The following CPA6 variants were observed in gnomAD, a reference collection of about 807,000 sequenced individuals.
The protein encoded by CPA6 is carboxypeptidase A6.
Under a neutral mutation model 63.3 loss-of-function variants are expected in CPA6, and 58 were observed. The observed-to-expected ratio is 0.92, with a 90% confidence interval of 0.74 to 1.14. The LOEUF is 1.14. Among genes scored for constraint, CPA6 ranks in the 50% most tolerant of loss-of-function variants. The pLI is 0.00. For synonymous variants in CPA6, 185 were observed against 179.0 expected, an observed-to-expected ratio of 1.03 and a Z score of -0.27; for missense variants, 565 against 526.6, an observed-to-expected ratio of 1.07 and a Z score of -0.71.
intron 8 of CPA6, among the ~76,000 whole-genome samples, chr8:67,459,877 T>C (rs1191311314): frequency 2.0e-5 from 3 of 152,224 alleles, no homozygotes; most frequent in African/African-American, 7.2e-5. Context: ...TTGTAATACA[T>C]GTACCATCCT....
intron 1 of CPA6, among the ~76,000 whole-genome samples, chr8:67,700,550 G>A (rs1388860598): frequency 6.6e-6 from 1 of 152,122 alleles, no homozygotes; most frequent in Non-Finnish European, 1.5e-5. Flanking sequence ...CTAGAATCCA[G>A]GTTTAAAACA....
At chr8:67,589,771 G>A (rs1814056603) in intron 2 of CPA6, among the ~76,000 whole-genome samples, 3 of 151,946 alleles carry the variant, frequency 2.0e-5, no homozygotes, top group Non-Finnish European at 2.9e-5. Flanking sequence ...GCTTCCCTAT[G>A]CCCTTCCCCC....
rs561797888 is a variant in CPA6 at position 67,680,004 on chromosome 8, T to C, written c.117-55753A>G. On this transcript the variant is annotated intron_variant, in intron 1 of 10. Transcript: ENST00000297770. ...GGCACACATGAAAAACTGACTTGCATGTAGCTTGGACTTAAAGTTATTTAT... is the reference window on the plus strand; with the variant it reads ...GGCACACATGAAAAACTGACTTGCACGTAGCTTGGACTTAAAGTTATTTAT... Among the ~76,000 whole-genome samples the C allele has an allele frequency of 9.0e-4, 137 of 152,354 alleles. 1 individual carries two copies. The highest frequency in any genetic ancestry group is 3.1e-3 in the African/African-American group (129 of 41,584).
chr8:67,699,075 C>T (rs1816966851), intron 1 of CPA6, among the ~76,000 whole-genome samples: 1 of 152,132 alleles, frequency 6.6e-6, no homozygotes, highest in Admixed American at 6.5e-5. Context: ...TTCCCAAATG[C>T]TACATTATTA....
intron 9 of CPA6, chr8:67,429,758 C>A (rs931882601): frequency 6.6e-6 from 1 of 152,114 alleles, no homozygotes; most frequent in Non-Finnish European, 1.5e-5. Context: ...TTTCATTCTG[C>A]TAGTAAGGGA....
At chr8:67,584,652 C>T (rs989323271) in intron 2 of CPA6, among the ~76,000 whole-genome samples, 1 of 152,056 alleles carries the variant, frequency 6.6e-6, no homozygotes, top group African/African-American at 2.4e-5. Context: ...ACTCCTGCTC[C>T]GACTATAGTG....
intron 6 of CPA6, among the ~76,000 whole-genome samples, chr8:67,494,443 T>G (rs964990120): frequency 7.9e-5 from 12 of 152,142 alleles, no homozygotes; most frequent in African/African-American, 2.9e-4. Flanking sequence ...TAGAATTATT[T>G]GAGGAAAAAA....
At chr8:67,493,340 T>G (rs1163467633) in intron 6 of CPA6, among the ~76,000 whole-genome samples, 1 of 152,170 alleles carries the variant, frequency 6.6e-6, no homozygotes, top group African/African-American at 2.4e-5. Flanking sequence ...GAAATGATTA[T>G]CTAAAAGGAC....
chr8:67,591,507 C>T (rs1814123123), intron 2 of CPA6, among the ~76,000 whole-genome samples: 1 of 152,174 alleles, frequency 6.6e-6, no homozygotes, highest in Non-Finnish European at 1.5e-5. Context: ...ATTGATTCTT[C>T]CTACCCACGA....
At chr8:67,737,770 C>A (rs1004200039) in intron 1 of CPA6, among the ~76,000 whole-genome samples, 2 of 152,170 alleles carry the variant, frequency 1.3e-5, no homozygotes, top group African/African-American at 4.8e-5. Context: ...TTACTTCATC[C>A]CCAATGACTC....
intron 2 of CPA6, among the ~76,000 whole-genome samples, chr8:67,582,347 A>T (rs1813797289): frequency 6.6e-6 from 1 of 152,222 alleles, no homozygotes; most frequent in Non-Finnish European, 1.5e-5. Context: ...TGCTGTCACC[A>T]TAGTTGTGAG....
intron 6 of CPA6, among the ~76,000 whole-genome samples, chr8:67,505,137 G>C (rs1055957854): frequency 6.6e-6 from 1 of 152,134 alleles, no homozygotes; most frequent in East Asian, 1.9e-4. Context: ...TAAAAATCCA[G>C]ATGGAACCAT....
chr8:67,452,455 C>T (rs1810577050), intron 8 of CPA6: 1 of 152,176 alleles, frequency 6.6e-6, no homozygotes, highest in Non-Finnish European at 1.5e-5. Flanking sequence ...AAGGCGAATC[C>T]AATTGTTCTG....
chr8:67,590,339 G>A lies in CPA6; in HGVS notation c.192+33837C>T, dbSNP rs1216739571. Among the ~76,000 whole-genome samples the A allele has an allele frequency of 1.8e-3, 269 of 151,462 alleles. 2 individuals are homozygous for A. The highest frequency in any genetic ancestry group is 6.0e-3 in the African/African-American group (247 of 41,124). ...AGTCTTTGCTATTGTGAATAGTGCC[G>A]CAATAAACATACGTGTGCATGTGTC... On this transcript the variant is annotated intron_variant, in intron 2 of 10. Transcript: ENST00000297770.
chr8:67,690,294 T>A (rs1386694289), intron 1 of CPA6, among the ~76,000 whole-genome samples: 1 of 152,190 alleles, frequency 6.6e-6, no homozygotes, highest in Non-Finnish European at 1.5e-5. Context: ...TTTTGATATA[T>A]CAGAGGTTAA....
rs1202250910 is a variant in CPA6, at chr8:67,455,629, T to C, written c.839-21389A>G. ...GGAGGCCAGGAGTTTGAGACCAGCCTGGAAAACATAGTGAAGCCCCTTCTC... is the reference window on the plus strand; with the variant it reads ...GGAGGCCAGGAGTTTGAGACCAGCCCGGAAAACATAGTGAAGCCCCTTCTC... On this transcript the variant is annotated intron_variant, in intron 8 of 10. Transcript: ENST00000297770. 5.5e-5 allele frequency among the ~76,000 whole-genome samples: 6 copies of C among 109,694 alleles called. No homozygotes were observed. The East Asian group carries it at 1.7e-3, about 31-fold the overall frequency. 72.0% of individuals were successfully genotyped at this position (109,694 alleles called of 152,430 possible).
At chr8:67,538,185 T>C (rs1812628343) in intron 2 of CPA6, among the ~76,000 whole-genome samples, 1 of 152,240 alleles carries the variant, frequency 6.6e-6, no homozygotes. Context: ...GAGAGTTCTG[T>C]AGATGTCTAT....
chr8:67,442,131 T>G (rs1371852172), intron 8 of CPA6, among the ~76,000 whole-genome samples: 1 of 152,070 alleles, frequency 6.6e-6, no homozygotes, highest in Non-Finnish European at 1.5e-5. Flanking sequence ...AATGTAATAA[T>G]ATAAAGGGCT....
rs1390541913 is a variant in CPA6, at chr8:67,475,930, CTTTCTCTTTCTTTCTCTG to C, written c.838+7820_838+7837del. On this transcript the variant is annotated intron_variant, in intron 8 of 10. Transcript: ENST00000297770. ...TCTTTCTTTCTTTCTTTCTTTCTTT[CTTTCTCTTTCTTTCTCTG>C]TCTTTCTTTCTCTTTCTCTCTCTCT... Among the ~76,000 whole-genome samples, 152 of 70,874 alleles carry C rather than the reference CTTTCTCTTTCTTTCTCTG, an allele frequency of 2.1e-3. 2 individuals carry two copies. Among genetic ancestry groups the C allele is most frequent in the African/African-American group, 0.01 (143 of 13,830 alleles). The allele number at this position is 70,874 out of a possible 152,430, so 46.5% of individuals were successfully genotyped here.
Sources: allele counts gnomAD v4.1 joint callset (sites outside exome capture counted in the v4.1 genomes callset), GRCh38; gene constraint gnomAD v4.1.1; transcripts MANE v1.5; gene names NCBI Gene and HGNC (gene_info 2026-07-23, HGNC 2026-07-21).